The following ASNS variants were observed in gnomAD, a reference collection of about 807,000 sequenced individuals.
The protein encoded by ASNS is asparagine synthetase [glutamine-hydrolyzing].
A neutral mutation model predicts 62.6 loss-of-function variants in ASNS; 37 were observed. The observed-to-expected ratio is 0.59, with a 90% confidence interval of 0.45 to 0.78. ASNS has a LOEUF of 0.78. ASNS is among the 30% of genes least tolerant of loss of function. ASNS has a pLI of 0.00. For missense variants in ASNS, 520 were observed against 682.4 expected (o/e 0.76, Z 2.65); for synonymous variants, 207 against 237.9 (o/e 0.87, Z 1.19).
the ASNS span, among the ~76,000 whole-genome samples, chr7:97,896,737 C>CATATATATATATAT: frequency 9.2e-3 from 279 of 30,290 alleles, 1 homozygote; most frequent in East Asian, 0.019. Context: ...CACACACACA[C>CATATATATATATAT]ACACATATAT....
At chr7:97,914,530 AGGTAG>A in the ASNS span, among the ~76,000 whole-genome samples, 4 of 75,598 alleles carry the variant, frequency 5.3e-5, no homozygotes, top group Non-Finnish European at 1.5e-4. Context: ...CATGCTAGAC[AGGTAG>A]AGCCATGGGT....
chr7:97,861,797 A>G (rs1791733001), intron 4 of ASNS, among the ~76,000 whole-genome samples: 1 of 152,232 alleles, frequency 6.6e-6, no homozygotes, highest in African/African-American at 2.4e-5. Flanking sequence ...AATCATGATC[A>G]TGGGATACTT....
intron 3 of ASNS, among the ~76,000 whole-genome samples, chr7:97,867,821 A>C (rs1254947009): frequency 6.6e-6 from 1 of 152,236 alleles, no homozygotes; most frequent in Admixed American, 6.5e-5. Context: ...AAACTTTTTA[A>C]ATGAGAAGAC....
At chr7:97,878,432 T>C in the ASNS span, among the ~76,000 whole-genome samples, 1 of 152,074 alleles carries the variant, frequency 6.6e-6, no homozygotes, top group Non-Finnish European at 1.5e-5. Flanking sequence ...CTACTAAAAA[T>C]AGCAAAATTC....
At chr7:97,864,134 TAA>T (rs1421982131) in intron 4 of ASNS, 123 bp downstream of exon 4, 5 of 802,268 alleles carry the variant, frequency 6.2e-6, no homozygotes, top group African/African-American at 1.7e-5. Flanking sequence ...TAAAAAAAGG[TAA>T]AGACTCATAA....
intron 5 of ASNS, 50 bp downstream of exon 5, chr7:97,859,163 T>C (rs775696570): frequency 9.0e-6 from 14 of 1,547,986 alleles, no homozygotes; most frequent in Non-Finnish European, 2.6e-6. Flanking sequence ...CAACTTAAAA[T>C]TTTTTTCCCT....
upstream of ASNS, among the ~76,000 whole-genome samples, chr7:97,874,725 T>C (rs1227584161): frequency 1.3e-4 from 18 of 139,528 alleles, no homozygotes; most frequent in South Asian, 2.7e-3. Context: ...AATAAATACA[T>C]CAGGATGAAT....
chr7:97,874,340 C>A (rs1247446103), upstream of ASNS, among the ~76,000 whole-genome samples: 1 of 151,328 alleles, frequency 6.6e-6, no homozygotes. Flanking sequence ...TTTCAGGGTG[C>A]CCACATTTCA....
At chr7:97,860,683 G>A (rs1562818094) in intron 4 of ASNS, among the ~76,000 whole-genome samples, 1 of 152,210 alleles carries the variant, frequency 6.6e-6, no homozygotes, top group Non-Finnish European at 1.5e-5. Context: ...AAGAGGCAGG[G>A]AGAGAGATAT....
At chr7:97,861,206 G>T (rs1584467357) in intron 4 of ASNS, among the ~76,000 whole-genome samples, 1 of 151,970 alleles carries the variant, frequency 6.6e-6, no homozygotes, top group South Asian at 2.1e-4. Flanking sequence ...TAGAGACGGG[G>T]TTTCACTGTG....
At chr7:97,906,428 T>G in the ASNS span, 2 of 250,176 alleles carry the variant, frequency 8.0e-6, no homozygotes, top group Non-Finnish European at 1.6e-5. Flanking sequence ...GTGCATCCAG[T>G]TGATGCCCCC....
chr7:97,923,190 A>G, the ASNS span, among the ~76,000 whole-genome samples: 14 of 151,488 alleles, frequency 9.2e-5, no homozygotes, highest in Non-Finnish European at 1.6e-4. Context: ...TAGTCTCCTT[A>G]CTCATCCACA....
rs1266772029 is a variant in ASNS at position 97,854,676 on chromosome 7, G to T, written c.1142C>A (p.Pro381His). The T allele has an allele frequency of 6.2e-7, 1 of 1,614,020 alleles. No individual in the cohort carries two copies. The highest frequency in any genetic ancestry group is 2.2e-5 in the East Asian group (1 of 44,870). Reference protein sequence around the residue: ...TQGYIYFHKAPSPEKAEEESE... With the variant: ...TQGYIYFHKAHSPEKAEEESE... ...CTCCTCCTCGGCTTTTTCAGGAGAA[G>T]GAGCCTATTTCACAAACAAAAACAC... Residue 381 changes from proline (P) to histidine (H), a missense_variant, in exon 10 of 13, where the codon CCT (proline) becomes CAT (histidine). Transcript: ENST00000394308.
chr7:97,925,538 C>T, the ASNS span, among the ~76,000 whole-genome samples: 5 of 152,132 alleles, frequency 3.3e-5, no homozygotes, highest in South Asian at 2.1e-4. Context: ...ATACACGGGA[C>T]GGCCCCACCA....
chr7:97,920,573 C>T, the ASNS span, among the ~76,000 whole-genome samples: 1 of 152,198 alleles, frequency 6.6e-6, no homozygotes, highest in Non-Finnish European at 1.5e-5. Flanking sequence ...AACCTGCCCC[C>T]TTCCAGCTGG....
the ASNS span, among the ~76,000 whole-genome samples, chr7:97,920,894 A>G: frequency 6.6e-6 from 1 of 152,096 alleles, no homozygotes; most frequent in African/African-American, 2.4e-5. Flanking sequence ...CTTCCTAGTA[A>G]TTTGGGGGCT....
At chr7:97,902,651 G>A in the ASNS span, among the ~76,000 whole-genome samples, 41 of 152,270 alleles carry the variant, frequency 2.7e-4, no homozygotes, top group African/African-American at 9.1e-4. Flanking sequence ...AGCCCAGGAG[G>A]CAGAGGCTGC....
chr7:97,880,583 G>A, the ASNS span, among the ~76,000 whole-genome samples: 3 of 152,262 alleles, frequency 2.0e-5, no homozygotes, highest in African/African-American at 4.8e-5. Flanking sequence ...TGGGCCCCAC[G>A]CACAAGATTC....
At chr7:97,863,771 CA>C (rs1336991594) in intron 4 of ASNS, 1 of 152,472 alleles carries the variant, frequency 6.6e-6, no homozygotes, top group African/African-American at 2.4e-5. Flanking sequence ...GGTGGAAAAA[CA>C]ATCCTAAAAC....
Sources: gnomAD v4.1 joint callset for allele counts (sites outside exome capture counted in the v4.1 genomes callset) on GRCh38, gnomAD v4.1.1 for gene constraint, MANE v1.5 for transcripts, NCBI Gene and HGNC (gene_info 2026-07-23, HGNC 2026-07-21) for gene names.